The following TRIM62 variants were observed in gnomAD, a reference collection of about 807,000 sequenced individuals.
TRIM62 encodes the protein tripartite motif containing 62, also known as E3 ubiquitin-protein ligase TRIM62.
In TRIM62, 39 loss-of-function variants were observed where a neutral mutation model predicts 44.2. The ratio of observed to expected loss-of-function variants is 0.88; its 90% CI spans 0.68 to 1.15. TRIM62 has a LOEUF of 1.15. TRIM62 is among the 50% of genes most tolerant of loss of function. The pLI, the probability that TRIM62 is intolerant of heterozygous loss-of-function variation, is 0.00. For missense variants in TRIM62, 544 were observed against 665.5 expected, an observed-to-expected ratio of 0.82 and a Z score of 2.01; for synonymous variants, 278 against 292.3, an observed-to-expected ratio of 0.95 and a Z score of 0.50.
rs867982927 is a variant in TRIM62, at chr1:33,156,318, G to C, written c.877+1935C>G. ...CATTGCCTCCACCTCTCTTGGACCA[G>C]CTCCAACCAGGCTTTGGCCCCTACT... On this transcript the variant is annotated intron_variant, in intron 4 of 4. Transcript: ENST00000291416. Among the ~76,000 whole-genome samples, 45 of 152,294 alleles carry C rather than the reference G, an allele frequency of 3.0e-4. 1 individual carries two copies. In the Middle Eastern group the frequency reaches 0.014, roughly 46 times the overall value.
chr1:33,169,563 T>C (rs1229286205), intron 1 of TRIM62, among the ~76,000 whole-genome samples: 2 of 152,188 alleles, frequency 1.3e-5, no homozygotes, highest in Non-Finnish European at 2.9e-5. Flanking sequence ...AGTCTGCAGA[T>C]TTCCACATTG....
chr1:33,147,269 G>A lies in TRIM62; in HGVS notation c.1336C>T (p.Pro446Ser), dbSNP rs1231263068. The A allele has an allele frequency of 1.2e-6, 2 of 1,614,168 alleles. No individual in the cohort carries two copies. Among genetic ancestry groups the A allele is most frequent in the South Asian group, 2.2e-5 (2 of 91,086 alleles). The change falls in exon 5 of 5, where the codon CCT becomes TCT. Residue 446 changes from proline to serine, a missense_variant. Transcript: ENST00000291416. The surrounding 1 kb of genome is among the most constrained non-coding windows in gnomAD (Gnocchi z 8.1). ...SWLYTFREKF[P>S]GKLCSYFSPG... Reference sequence around the variant, plus strand: ...CTGAAGTAAGAGCAGAGCTTGCCAGGGAACTTCTCGCGGAAGGTGTAGAGC... The same window carrying A: ...CTGAAGTAAGAGCAGAGCTTGCCAGAGAACTTCTCGCGGAAGGTGTAGAGC...
At chr1:33,174,454 A>G (rs555784058) in intron 1 of TRIM62, among the ~76,000 whole-genome samples, 6 of 152,118 alleles carry the variant, frequency 3.9e-5, no homozygotes, top group African/African-American at 1.4e-4. Context: ...AAAGTACTGG[A>G]GTTACAGGTG....
At chr1:33,150,594 C>T (rs899708036) in intron 4 of TRIM62, among the ~76,000 whole-genome samples, 2 of 152,158 alleles carry the variant, frequency 1.3e-5, no homozygotes, top group African/African-American at 4.8e-5. Context: ...ACATAGAAGA[C>T]GGGGAACCAA....
intron 1 of TRIM62, among the ~76,000 whole-genome samples, chr1:33,179,859 A>G (rs1645446878): frequency 6.6e-6 from 1 of 152,252 alleles, no homozygotes; most frequent in Non-Finnish European, 1.5e-5. Flanking sequence ...TTTATTTGCA[A>G]CAAAATTTCT....
intron 1 of TRIM62, among the ~76,000 whole-genome samples, chr1:33,169,250 C>A (rs756921486): frequency 6.6e-6 from 1 of 152,156 alleles, no homozygotes; most frequent in African/African-American, 2.4e-5. Flanking sequence ...TATTCCCCAT[C>A]TCAGTGAAGT....
chr1:33,164,281 T>C (rs953863237), intron 2 of TRIM62: 10 of 152,286 alleles, frequency 6.6e-5, no homozygotes, highest in Middle Eastern at 3.2e-3. Flanking sequence ...GGGTTTCCAA[T>C]GGTGTCTTCA....
At position 33,150,864 on chromosome 1, in the gene TRIM62, T is replaced by G. The variant is rs659297; in HGVS notation, c.878-3137A>C. On this transcript the variant is annotated intron_variant, in intron 4 of 4. Coordinates refer to ENST00000291416, the MANE Select transcript of TRIM62 (RefSeq NM_018207.3). ...TGTGGATCACACTCAGGTGTGACAG[T>G]GGAGGGGCAGAAGAGCGATGCACAG... Among the ~76,000 whole-genome samples the G allele has an allele frequency of 3.2e-4, 49 of 152,110 alleles. 1 individual carries two copies. Among genetic ancestry groups the G allele is most frequent in the Non-Finnish European group, 4.4e-5 (3 of 67,996 alleles).
chr1:33,173,777 T>G (rs1287967500), intron 1 of TRIM62, among the ~76,000 whole-genome samples: 1 of 151,858 alleles, frequency 6.6e-6, no homozygotes, highest in East Asian at 1.9e-4. Context: ...TAGCTCACTA[T>G]AGCCTCAAAC....
rs3863727 is a variant in TRIM62 at position 33,167,524 on chromosome 1, A to G, written c.409-1958T>C. Among the ~76,000 whole-genome samples the G allele has an allele frequency of 0.23, 35,340 of 152,044 alleles. 4,234 individuals carry two copies. The highest frequency in any genetic ancestry group is 0.3 in the South Asian group (1,454 of 4,810). The stretch of plus-strand genomic sequence containing the variant: ...TTCTTCGTCCCCGTATTGGCCCACA[A>G]GTCCTCCAGGGTGGCTCCTACTGCT... On this transcript the variant is annotated intron_variant, in intron 1 of 4. Transcript: ENST00000291416. This position sits in a 1 kb window ranked among gnomAD's most constrained non-coding sequence, Gnocchi z 4.2.
At position 33,181,270 on chromosome 1, in the gene TRIM62, G is replaced by C. The variant is rs988045420; in HGVS notation, c.163C>G (p.Arg55Gly). ...GCCAGCGCGGGCTCGGCGAACGTGC[G>C]CCGGCACTCGGGGCAGTCGCGGGCG... ...QGARDCPECRRTFAEPALAPS... is the reference protein window; with the variant it reads ...QGARDCPECRGTFAEPALAPS... The change falls in exon 1 of 5, where the codon CGC becomes GGC. Residue 55 changes from arginine to glycine, a missense_variant. Physicochemically the swap from Arg to Gly is moderately radical, Grantham distance 125. Coordinates refer to ENST00000291416, the MANE Select transcript of TRIM62 (RefSeq NM_018207.3). The surrounding 1 kb of genome is among the most constrained non-coding windows in gnomAD (Gnocchi z 6.5). 7.8e-6 allele frequency: 12 copies of C among 1,546,994 alleles called. No homozygotes were observed. The highest frequency in any genetic ancestry group is 1.0e-5 in the Non-Finnish European group (12 of 1,151,990).
chr1:33,179,516 G>A (rs1355806342), intron 1 of TRIM62, among the ~76,000 whole-genome samples: 1 of 152,202 alleles, frequency 6.6e-6, no homozygotes, highest in Admixed American at 6.5e-5. Flanking sequence ...TACCTCCCAA[G>A]TTAGCCCACT....
Position 33,151,860 on chromosome 1 carries a change from C to T in TRIM62, c.878-4133G>A, listed in dbSNP as rs574870159. Among the ~76,000 whole-genome samples the T allele has an allele frequency of 6.6e-5, 10 of 152,326 alleles. No homozygotes were observed. In the East Asian group the frequency reaches 1.5e-3, roughly 24 times the overall value. On this transcript the variant is annotated intron_variant, in intron 4 of 4. Transcript: ENST00000291416. ...GCCCAAGCAGCGGAGAAAGCCCTCC[C>T]GGGGCACAGCCCAGCACAGCTGCTT... is the stretch of plus-strand genomic sequence containing the variant.
intron 2 of TRIM62, chr1:33,163,855 G>A (rs1046044634): frequency 6.6e-6 from 1 of 152,468 alleles, no homozygotes; most frequent in Non-Finnish European, 1.5e-5. Flanking sequence ...CCCCAGTCCA[G>A]ACAGGAAGTG....
At chr1:33,173,760 G>A (rs1645392940) in intron 1 of TRIM62, among the ~76,000 whole-genome samples, 1 of 151,362 alleles carries the variant, frequency 6.6e-6, no homozygotes, top group Non-Finnish European at 1.5e-5. Context: ...GTGCAGTGGT[G>A]CAATCATAGC....
chr1:33,153,999 G>C (rs959560933), intron 4 of TRIM62, among the ~76,000 whole-genome samples: 57 of 152,314 alleles, frequency 3.7e-4, no homozygotes, highest in African/African-American at 1.3e-3. Context: ...ATCCAGGAAG[G>C]CTTCTCAGAG....
chr1:33,158,419 C>G (rs1645211781), intron 3 of TRIM62, 51 bp from the exon 4 acceptor site: 2 of 1,550,648 alleles, frequency 1.3e-6, no homozygotes, highest in Non-Finnish European at 1.8e-6. Context: ...ATTCCTGCCC[C>G]AATGCCAGGG....
Position 33,181,280 on chromosome 1 carries a change from G to A in TRIM62, c.153C>T (p.Pro51=). The change falls in exon 1 of 5, where the codon CCC becomes CCT. Residue 51 remains proline (P), a synonymous_variant. Transcript: ENST00000291416. The surrounding 1 kb of genome is among the most constrained non-coding windows in gnomAD (Gnocchi z 6.5). ...RQEAQGARDC[P]ECRRTFAEPA... ...GCTCGGCGAACGTGCGCCGGCACTC[G>A]GGGCAGTCGCGGGCGCCCTGCGCCT... is the stretch of plus-strand genomic sequence containing the variant. The A allele has an allele frequency of 2.6e-6, 4 of 1,549,778 alleles. No individual in the cohort carries two copies. The highest frequency in any genetic ancestry group is 3.5e-6 in the Non-Finnish European group (4 of 1,153,290).
chr1:33,165,563 C>T lies in TRIM62; in HGVS notation c.412G>A (p.Glu138Lys), dbSNP rs749891683. ...IDDAFDELQRELKDQLQALQD... is the reference protein window; with the variant it reads ...IDDAFDELQRKLKDQLQALQD... ...AGGGCCTGAAGTTGGTCCTTCAGCT[C>T]CCTCTGAAACACACACAGGGCCGGG... The change falls in exon 2 of 5, where the codon GAG becomes AAG. Residue 138 changes from glutamate (E) to lysine (K), a missense_variant. Glu to Lys is a moderately conservative substitution (Grantham distance 56). Coordinates refer to ENST00000291416, the MANE Select transcript of TRIM62 (RefSeq NM_018207.3). This position sits in a 1 kb window ranked among gnomAD's most constrained non-coding sequence, Gnocchi z 4.0. The T allele has an allele frequency of 2.5e-6, 4 of 1,605,828 alleles. No individual in the cohort carries two copies. In the South Asian group the frequency reaches 4.5e-5, roughly 18 times the overall value.
Sources: allele counts gnomAD v4.1 joint callset (sites outside exome capture counted in the v4.1 genomes callset), GRCh38; gene constraint gnomAD v4.1.1; non-coding constraint Gnocchi (gnomAD v3.1); transcripts MANE v1.5; gene names NCBI Gene and HGNC (gene_info 2026-07-23, HGNC 2026-07-21).